The following CTNNA2 variants were observed in gnomAD, a reference collection of about 807,000 sequenced individuals.
CTNNA2 encodes catenin alpha 2.
Under a neutral mutation model 101.0 loss-of-function variants are expected in CTNNA2, and 42 were observed. The ratio of observed to expected loss-of-function variants is 0.42; its 90% CI spans 0.32 to 0.54. CTNNA2 has a LOEUF of 0.54. Ranked by LOEUF, CTNNA2 falls within the 20% of genes least tolerant of loss-of-function variation. The probability of loss-of-function intolerance (pLI) is 0.14; values close to 1 mark genes in which losing one functional copy is unlikely to be tolerated. For missense variants in CTNNA2, 871 were observed against 1,223.1 expected, an observed-to-expected ratio of 0.71 and a Z score of 4.29; for synonymous variants, 450 against 456.4, an observed-to-expected ratio of 0.99 and a Z score of 0.18.
chr2:79,399,499 A>G (rs1037926314), intron 4 of CTNNA2, among the ~76,000 whole-genome samples: 1 of 152,106 alleles, frequency 6.6e-6, no homozygotes, highest in South Asian at 2.1e-4. Flanking sequence ...CTAACCAATC[A>G]TTAACTGACC....
intron 3 of CTNNA2, among the ~76,000 whole-genome samples, chr2:79,748,114 T>C (rs1207776523): frequency 6.6e-6 from 1 of 152,208 alleles, no homozygotes; most frequent in Non-Finnish European, 1.5e-5. Flanking sequence ...CTCCATTCTT[T>C]CCATTCTCTA....
chr2:79,792,939 T>A (rs894398344), intron 3 of CTNNA2, among the ~76,000 whole-genome samples: 13 of 152,232 alleles, frequency 8.5e-5, no homozygotes, highest in Non-Finnish European at 1.6e-4. Flanking sequence ...ATAATCCAAA[T>A]TCATTGGTTC....
chr2:80,227,514 G>T (rs539036521), intron 7 of CTNNA2, among the ~76,000 whole-genome samples: 1 of 152,292 alleles, frequency 6.6e-6, no homozygotes, highest in Non-Finnish European at 1.5e-5. Context: ...CCATCTATTT[G>T]ATAATTATCC....
chr2:79,665,248 A>G (rs2104549809), intron 2 of CTNNA2, among the ~76,000 whole-genome samples: 1 of 152,068 alleles, frequency 6.6e-6, no homozygotes, highest in South Asian at 2.1e-4. Context: ...TTTGACACCC[A>G]CACAACTGGG....
Position 79,650,642 on chromosome 2 carries a change from T to C in CTNNA2, c.-5-910T>C, listed in dbSNP as rs1294783495. Among the ~76,000 whole-genome samples, 5 of 151,854 alleles carry C rather than the reference T, an allele frequency of 3.3e-5. No homozygotes were observed. In the South Asian group the frequency reaches 8.3e-4, roughly 25 times the overall value. On this transcript the variant is annotated intron_variant, in intron 1 of 18. Transcript: ENST00000402739. ...TTCTTTTTTTTTTTTTAAATGTATTTATTTTTATTATACTTCAAGTTTTAG... is the reference window on the plus strand; with the variant it reads ...TTCTTTTTTTTTTTTTAAATGTATTCATTTTTATTATACTTCAAGTTTTAG...
At chr2:80,613,503 T>C (rs550198678) in intron 17 of CTNNA2, among the ~76,000 whole-genome samples, 1 of 151,456 alleles carries the variant, frequency 6.6e-6, no homozygotes, top group African/African-American at 2.4e-5. Flanking sequence ...CCTGTGTCTG[T>C]TCTCTGAATT....
intron 3 of CTNNA2, among the ~76,000 whole-genome samples, chr2:79,768,749 A>T (rs1197155487): frequency 6.6e-6 from 1 of 152,104 alleles, no homozygotes. Flanking sequence ...CTTCATACAC[A>T]CAAAGGCTTC....
At chr2:80,528,939 T>G (rs1690281207) in intron 9 of CTNNA2, among the ~76,000 whole-genome samples, 1 of 152,070 alleles carries the variant, frequency 6.6e-6, no homozygotes, top group East Asian at 1.9e-4. Flanking sequence ...GACATAGGGG[T>G]TATGTAAACA....
At position 79,739,045 on chromosome 2, in the gene CTNNA2, C is replaced by A. The variant is rs550461176; in HGVS notation, c.103-5342C>A. ...TATGTCAATATTCATGCTATTACTACCAGTTTTTGTTGCAGGGACTTTGCT... is the reference window on the plus strand; with the variant it reads ...TATGTCAATATTCATGCTATTACTAACAGTTTTTGTTGCAGGGACTTTGCT... On this transcript the variant is annotated intron_variant, in intron 2 of 18. Coordinates refer to ENST00000402739, the MANE Select transcript of CTNNA2 (RefSeq NM_001282597.3). Among the ~76,000 whole-genome samples, 11 of 151,642 alleles carry A rather than the reference C, an allele frequency of 7.3e-5. 1 individual carries two copies. Among genetic ancestry groups the A allele is most frequent in the Admixed American group, 5.2e-4 (8 of 15,252 alleles).
intron 7 of CTNNA2, among the ~76,000 whole-genome samples, chr2:80,219,588 C>G (rs1209582136): frequency 6.6e-6 from 1 of 152,168 alleles, no homozygotes; most frequent in African/African-American, 2.4e-5. Flanking sequence ...TCGACCCATT[C>G]ACCTATCTTC....
chr2:80,209,334 T>A (rs1472792164), intron 7 of CTNNA2, among the ~76,000 whole-genome samples: 1 of 151,926 alleles, frequency 6.6e-6, no homozygotes, highest in African/African-American at 2.4e-5. Context: ...CCTGACTACC[T>A]GGGATTACAG....
intron 3 of CTNNA2, among the ~76,000 whole-genome samples, chr2:79,801,252 C>A (rs1427578582): frequency 6.6e-6 from 1 of 152,174 alleles, no homozygotes; most frequent in Non-Finnish European, 1.5e-5. Flanking sequence ...CAGATGGAAC[C>A]TAACAGCAGC....
At chr2:79,353,558 G>A (rs887469842) in intron 3 of CTNNA2, among the ~76,000 whole-genome samples, 3 of 152,108 alleles carry the variant, frequency 2.0e-5, no homozygotes, top group Non-Finnish European at 4.4e-5. Context: ...GCCTGTGAGT[G>A]TCATTGCATG....
At chr2:80,196,165 A>G (rs1264691043) in intron 7 of CTNNA2, among the ~76,000 whole-genome samples, 1 of 152,128 alleles carries the variant, frequency 6.6e-6, no homozygotes, top group East Asian at 1.9e-4. Flanking sequence ...AGACTGTAAA[A>G]AACATATACC....
chr2:79,344,615 C>T (rs1292706263), intron 3 of CTNNA2, among the ~76,000 whole-genome samples: 1 of 151,800 alleles, frequency 6.6e-6, no homozygotes, highest in Non-Finnish European at 1.5e-5. Flanking sequence ...TCTTCCCATC[C>T]AGGCCTTTTT....
At chr2:79,524,413 T>G (rs547932372) in intron 1 of CTNNA2, among the ~76,000 whole-genome samples, 1 of 151,880 alleles carries the variant, frequency 6.6e-6, no homozygotes, top group Admixed American at 6.6e-5. Flanking sequence ...TATATTTGGT[T>G]TTGTCTCCTG....
intron 1 of CTNNA2, among the ~76,000 whole-genome samples, chr2:79,559,856 T>A (rs1423515178): frequency 6.6e-6 from 1 of 151,900 alleles, no homozygotes; most frequent in Non-Finnish European, 1.5e-5. Context: ...CTACCATTTA[T>A]GTGCCAGGCT....
chr2:79,732,938 G>A (rs775807673), intron 2 of CTNNA2, among the ~76,000 whole-genome samples: 1 of 152,060 alleles, frequency 6.6e-6, no homozygotes, highest in African/African-American at 2.4e-5. Context: ...ATTTTAATGA[G>A]CCAGATTGAG....
chr2:79,187,085 G>A (rs1156685875), intron 1 of CTNNA2, among the ~76,000 whole-genome samples: 2 of 151,980 alleles, frequency 1.3e-5, no homozygotes, highest in Non-Finnish European at 2.9e-5. Context: ...AATAATGGTG[G>A]AATGGGGGTG....
Sources: allele counts gnomAD v4.1 joint callset (sites outside exome capture counted in the v4.1 genomes callset), GRCh38; gene constraint gnomAD v4.1.1; transcripts MANE v1.5; gene names NCBI Gene and HGNC (gene_info 2026-07-23, HGNC 2026-07-21).